Variants in ADCY2 observed in about 807,000 individuals in gnomAD.
ADCY2 encodes adenylate cyclase 2, also known as adenylate cyclase type 2.
In ADCY2, 31 loss-of-function variants were observed where a neutral mutation model predicts 125.2. That is an observed-to-expected ratio of 0.25 (90% CI 0.19 to 0.33). The LOEUF is 0.33. Ranked by LOEUF, ADCY2 falls within the 10% of genes least tolerant of loss-of-function variation. The probability of loss-of-function intolerance (pLI) is 1.00; values close to 1 mark genes in which losing one functional copy is unlikely to be tolerated. For missense variants in ADCY2, 904 were observed against 1,418.2 expected (o/e 0.64, Z 5.82); for synonymous variants, 512 against 548.4 (o/e 0.93, Z 0.93).
intron 18 of ADCY2, among the ~76,000 whole-genome samples, chr5:7,778,955 T>C (rs1363925612): frequency 1.3e-5 from 2 of 152,194 alleles, no homozygotes; most frequent in African/African-American, 4.8e-5. Flanking sequence ...AAATTTGCAT[T>C]CCAAGCCATA....
intron 2 of ADCY2, among the ~76,000 whole-genome samples, chr5:7,503,906 G>T (rs1743697401): frequency 6.6e-6 from 1 of 152,180 alleles, no homozygotes. Context: ...AGAACAGAAT[G>T]CAGGAAAGCA....
chr5:7,711,858 T>A (rs1255277949), intron 10 of ADCY2, among the ~76,000 whole-genome samples: 1 of 152,216 alleles, frequency 6.6e-6, no homozygotes, highest in Non-Finnish European at 1.5e-5. Context: ...AAGCCCCAAG[T>A]TTTTGGTGAT....
chr5:7,610,959 G>T (rs1579233724), intron 3 of ADCY2: 1 of 152,150 alleles, frequency 6.6e-6, no homozygotes, highest in South Asian at 2.1e-4. Flanking sequence ...CTGATGCCAG[G>T]CATGGTTTTT....
chr5:7,639,599 A>G (rs895590387), intron 4 of ADCY2, among the ~76,000 whole-genome samples: 1 of 152,102 alleles, frequency 6.6e-6, no homozygotes, highest in African/African-American at 2.4e-5. Flanking sequence ...CCATTCGTAA[A>G]TCTCTCCGTC....
At chr5:7,501,586 A>T (rs575532716) in intron 2 of ADCY2, among the ~76,000 whole-genome samples, 68 of 146,954 alleles carry the variant, frequency 4.6e-4, no homozygotes, top group African/African-American at 1.5e-3. Context: ...ATGAGGAATG[A>T]TAATGACATA....
chr5:7,680,318 C>A (rs1449773112), intron 4 of ADCY2, among the ~76,000 whole-genome samples: 2 of 151,944 alleles, frequency 1.3e-5, no homozygotes, highest in Non-Finnish European at 2.9e-5. Context: ...TGCACGTCAG[C>A]CCCCCACAGC....
chr5:7,698,327 T>C lies in ADCY2; in HGVS notation c.1062T>C (p.His354=). The change falls in exon 7 of 25, where the codon CAT becomes CAC. Residue 354 remains histidine (H), a synonymous_variant. Coordinates refer to ENST00000338316, the MANE Select transcript of ADCY2 (RefSeq NM_020546.3). ...GACTCCCTATATCTCTCCCTAACCA[T>C]GCCAAGAACTGTGTGAAAATGGGGC... ...VSGLPISLPN[H]AKNCVKMGLD... 1 of 1,614,200 alleles carries C rather than the reference T, an allele frequency of 6.2e-7. No homozygotes were observed. Among genetic ancestry groups the C allele is most frequent in the Non-Finnish European group, 8.5e-7 (1 of 1,180,014 alleles).
At chr5:7,448,192 C>A (rs1334501838) in intron 2 of ADCY2, among the ~76,000 whole-genome samples, 1 of 152,192 alleles carries the variant, frequency 6.6e-6, no homozygotes, top group Non-Finnish European at 1.5e-5. Context: ...CCCTCAGCTG[C>A]AGCTCTGGAG....
At chr5:7,751,733 G>T (rs1742830786) in intron 15 of ADCY2, among the ~76,000 whole-genome samples, 1 of 152,116 alleles carries the variant, frequency 6.6e-6, no homozygotes, top group Non-Finnish European at 1.5e-5. Flanking sequence ...AGTTGCAGCT[G>T]TCCACGTTTG....
At chr5:7,559,798 A>T (rs945098011) in intron 3 of ADCY2, among the ~76,000 whole-genome samples, 1 of 152,214 alleles carries the variant, frequency 6.6e-6, no homozygotes, top group African/African-American at 2.4e-5. Context: ...ATGAAGAAGC[A>T]AGAAAGACCA....
chr5:7,617,618 A>C (rs759923793), intron 3 of ADCY2, among the ~76,000 whole-genome samples: 9 of 152,208 alleles, frequency 5.9e-5, no homozygotes, highest in Non-Finnish European at 1.2e-4. Context: ...ATGAGATGTC[A>C]CTTGGTGTTT....
At chr5:7,503,747 A>G (rs1160380726) in intron 2 of ADCY2, among the ~76,000 whole-genome samples, 1 of 152,254 alleles carries the variant, frequency 6.6e-6, no homozygotes, top group Non-Finnish European at 1.5e-5. Context: ...GTGTTTCGAT[A>G]GTAGAGATCA....
chr5:7,684,204 C>T (rs1437594628), intron 4 of ADCY2, among the ~76,000 whole-genome samples: 1 of 152,174 alleles, frequency 6.6e-6, no homozygotes, highest in Non-Finnish European at 1.5e-5. Flanking sequence ...GGATGAGATT[C>T]CCCTTTGGGT....
chr5:7,666,031 G>A (rs1337594388), intron 4 of ADCY2, among the ~76,000 whole-genome samples: 4 of 150,326 alleles, frequency 2.7e-5, no homozygotes, highest in African/African-American at 4.9e-5. Context: ...GTAGAGACAG[G>A]GTTTCACCAT....
At chr5:7,693,326 C>T (rs1417629948) in intron 5 of ADCY2, among the ~76,000 whole-genome samples, 3 of 151,960 alleles carry the variant, frequency 2.0e-5, no homozygotes, top group Non-Finnish European at 4.4e-5. Context: ...GGTTTTCTCC[C>T]TCTATGGTCC....
chr5:7,823,381 G>C (rs962366572), intron 24 of ADCY2, among the ~76,000 whole-genome samples: 30 of 152,306 alleles, frequency 2.0e-4, no homozygotes, highest in African/African-American at 7.2e-4. Context: ...TGCAAGACGA[G>C]GCTCTTCTCC....
intron 2 of ADCY2, among the ~76,000 whole-genome samples, chr5:7,472,512 CAT>C (rs3033080): frequency 0.043 from 6,566 of 151,858 alleles, 450 homozygotes; most frequent in African/African-American, 0.14. Flanking sequence ...GGGAAATATG[CAT>C]ATATATATGC....
intron 3 of ADCY2, among the ~76,000 whole-genome samples, chr5:7,539,923 ACT>A (rs1183207568): frequency 6.6e-6 from 1 of 152,108 alleles, no homozygotes; most frequent in Non-Finnish European, 1.5e-5. Flanking sequence ...AAAGTCCTTG[ACT>A]CTCTGCTGTT....
intron 1 of ADCY2, among the ~76,000 whole-genome samples, chr5:7,405,303 C>CT (rs748815042): frequency 0.065 from 8,859 of 136,578 alleles, 326 homozygotes; most frequent in Admixed American, 0.14. Context: ...TTGAACTACT[C>CT]TTTTTTTTTT....
Sources: allele counts gnomAD v4.1 joint callset (sites outside exome capture counted in the v4.1 genomes callset), GRCh38; gene constraint gnomAD v4.1.1; transcripts MANE v1.5; gene names NCBI Gene and HGNC (gene_info 2026-07-23, HGNC 2026-07-21).